Variants in BLTP3B observed in about 807,000 individuals in gnomAD.
BLTP3B encodes UHRF1 (ICBP90) binding protein 1-like.
chr12:100,112,651 AT>A, the BLTP3B span, among the ~76,000 whole-genome samples: 1 of 149,678 alleles, frequency 6.7e-6, no homozygotes, highest in Non-Finnish European at 1.5e-5. Flanking sequence ...CTAAGTAAAC[AT>A]TTAAGGGCAA....
At chr12:100,059,992 T>A in the BLTP3B span, 2 of 1,612,620 alleles carry the variant, frequency 1.2e-6, no homozygotes, top group African/African-American at 1.3e-5. Context: ...GCTTCTTTCA[T>A]CCACAGTAAA....
chr12:100,090,710 TA>T, the BLTP3B span, among the ~76,000 whole-genome samples: 1 of 152,252 alleles, frequency 6.6e-6, no homozygotes, highest in South Asian at 2.1e-4. Flanking sequence ...TGTAAAACGT[TA>T]AATACTATAG....
At chr12:100,135,122 G>A in the BLTP3B span, among the ~76,000 whole-genome samples, 11 of 152,128 alleles carry the variant, frequency 7.2e-5, no homozygotes, top group African/African-American at 1.2e-4. Context: ...CTCTTTGATC[G>A]CATCTTCCTC....
the BLTP3B span, among the ~76,000 whole-genome samples, chr12:100,113,497 C>G: frequency 6.6e-6 from 1 of 152,204 alleles, no homozygotes; most frequent in East Asian, 1.9e-4. Context: ...AGGTAAAATG[C>G]TATCTACTGC....
At chr12:100,128,840 G>T in the BLTP3B span, 1 of 893,004 alleles carries the variant, frequency 1.1e-6, no homozygotes, top group Non-Finnish European at 1.4e-6. Context: ...AAAAAAAACA[G>T]TTGCATTTCA....
chr12:100,052,792 T>TC, the BLTP3B span, among the ~76,000 whole-genome samples: 9 of 139,944 alleles, frequency 6.4e-5, no homozygotes, highest in African/African-American at 2.4e-4. Flanking sequence ...TCTTTTCTGT[T>TC]TTTTTTTTTT....
chr12:100,108,630 AAAAATAT>A, the BLTP3B span: 1 of 1,203,472 alleles, frequency 8.3e-7, no homozygotes, highest in Non-Finnish European at 1.1e-6. Context: ...ACAGAGAACT[AAAAATAT>A]AATAGGAGTG....
At chr12:100,060,331 C>T in the BLTP3B span, among the ~76,000 whole-genome samples, 1 of 152,088 alleles carries the variant, frequency 6.6e-6, no homozygotes, top group East Asian at 1.9e-4. Context: ...TAATCTAAAA[C>T]TAACTGCATA....
chr12:100,080,021 G>A, the BLTP3B span, among the ~76,000 whole-genome samples: 16 of 152,218 alleles, frequency 1.1e-4, no homozygotes, highest in Non-Finnish European at 1.9e-4. Context: ...AGATTTCAGT[G>A]GATGTATGGA....
the BLTP3B span, chr12:100,058,398 C>G: frequency 3.7e-6 from 6 of 1,612,482 alleles, no homozygotes; most frequent in Non-Finnish European, 5.1e-6. Context: ...AAAAGAAATG[C>G]CTTTTTGCAG....
chr12:100,061,516 G>C, the BLTP3B span, among the ~76,000 whole-genome samples: 4 of 152,066 alleles, frequency 2.6e-5, no homozygotes, highest in African/African-American at 9.7e-5. Flanking sequence ...AATTAGCCGG[G>C]CGTGGTGGCG....
chr12:100,060,759 A>G, the BLTP3B span, among the ~76,000 whole-genome samples: 1 of 152,178 alleles, frequency 6.6e-6, no homozygotes, highest in East Asian at 1.9e-4. Context: ...CATAAAAGAC[A>G]TTTTGTTTTC....
chr12:100,139,552 G>A, the BLTP3B span, among the ~76,000 whole-genome samples: 1 of 152,076 alleles, frequency 6.6e-6, no homozygotes, highest in South Asian at 2.1e-4. Flanking sequence ...GGATCCAAAG[G>A]CACCACATTT....
chr12:100,057,932 G>T, the BLTP3B span: 1 of 1,393,582 alleles, frequency 7.2e-7, no homozygotes, highest in Non-Finnish European at 9.7e-7. Context: ...GCCATATTTT[G>T]TCATGAGCTT....
chr12:100,077,254 C>T, the BLTP3B span, among the ~76,000 whole-genome samples: 15 of 152,108 alleles, frequency 9.9e-5, no homozygotes, highest in African/African-American at 3.6e-4. Context: ...ATAACTGCTA[C>T]GGTATTCAAT....
chr12:100,048,732 G>GC, the BLTP3B span, among the ~76,000 whole-genome samples: 5 of 140,402 alleles, frequency 3.6e-5, no homozygotes, highest in East Asian at 1.1e-3. Flanking sequence ...ATAGTAAGGG[G>GC]GGGGAGAGAG....
At chr12:100,119,475 C>G in the BLTP3B span, among the ~76,000 whole-genome samples, 4 of 152,022 alleles carry the variant, frequency 2.6e-5, no homozygotes, top group Non-Finnish European at 4.4e-5. Context: ...TGTAGAAGAC[C>G]TAGAATATCC....
chr12:100,120,353 A>G, the BLTP3B span, among the ~76,000 whole-genome samples: 2 of 152,308 alleles, frequency 1.3e-5, no homozygotes, highest in African/African-American at 2.4e-5. Context: ...AACCTGGGTG[A>G]CAGAGCAAGA....
At chr12:100,139,560 T>G in the BLTP3B span, among the ~76,000 whole-genome samples, 1 of 152,098 alleles carries the variant, frequency 6.6e-6, no homozygotes, top group Non-Finnish European at 1.5e-5. Flanking sequence ...AGGCACCACA[T>G]TTATTTAATG....
Sources: gnomAD v4.1 joint callset for allele counts (sites outside exome capture counted in the v4.1 genomes callset) on GRCh38, gnomAD v4.1.1 for gene constraint, MANE v1.5 for transcripts, NCBI Gene and HGNC (gene_info 2026-07-23, HGNC 2026-07-21) for gene names.